The following FAM169A variants were observed in gnomAD, a reference collection of about 807,000 sequenced individuals.
The protein encoded by FAM169A is soluble lamin-associated protein of 75 kDa.
Under a neutral mutation model 75.7 loss-of-function variants are expected in FAM169A, and 24 were observed. The ratio of observed to expected loss-of-function variants is 0.32; its 90% confidence interval spans 0.23 to 0.45. FAM169A has a LOEUF of 0.45. Among genes scored for constraint, FAM169A ranks in the 20% least tolerant of loss-of-function variants. FAM169A has a pLI of 1.00. For synonymous variants in FAM169A, 271 were observed against 271.0 expected (o/e 1.00, Z 0.00); for missense variants, 673 against 784.0 (o/e 0.86, Z 1.69).
intron 1 of FAM169A, among the ~76,000 whole-genome samples, chr5:74,858,757 TA>T (rs562017106): frequency 1.6e-4 from 25 of 151,560 alleles, no homozygotes; most frequent in Non-Finnish European, 3.4e-4. Context: ...AATTAAAAAG[TA>T]AAAAAAAATT....
intron 1 of FAM169A, among the ~76,000 whole-genome samples, chr5:74,843,974 T>C (rs959427599): frequency 1.3e-5 from 2 of 152,160 alleles, no homozygotes; most frequent in Admixed American, 6.5e-5. Context: ...ACCAAGCCAT[T>C]AGAGAAATAT....
intron 1 of FAM169A, among the ~76,000 whole-genome samples, chr5:74,864,295 ATCTCGGC>A (rs1478334905): frequency 3.3e-5 from 5 of 152,244 alleles, no homozygotes; most frequent in African/African-American, 1.2e-4. Flanking sequence ...CAAGGGCACG[ATCTCGGC>A]TCACCGCAAC....
At chr5:74,851,054 T>C (rs1258152184) in intron 1 of FAM169A, among the ~76,000 whole-genome samples, 1 of 151,566 alleles carries the variant, frequency 6.6e-6, no homozygotes, top group Non-Finnish European at 1.5e-5. Context: ...TGGCTAAGAA[T>C]ACAGGCACAT....
At chr5:74,831,253 A>G (rs1188669064) in intron 5 of FAM169A, among the ~76,000 whole-genome samples, 2 of 152,224 alleles carry the variant, frequency 1.3e-5, no homozygotes, top group African/African-American at 4.8e-5. Flanking sequence ...TAGCAATACT[A>G]TAACAAAACC....
chr5:74,788,674 C>T (rs1428916704), intron 11 of FAM169A, among the ~76,000 whole-genome samples: 1 of 150,292 alleles, frequency 6.7e-6, no homozygotes, highest in Non-Finnish European at 1.5e-5. Flanking sequence ...CATTGCACTC[C>T]AGCCTGGGCA....
intron 1 of FAM169A, chr5:74,865,723 A>T (rs1750290035): frequency 2.0e-5 from 3 of 152,474 alleles, no homozygotes; most frequent in African/African-American, 7.2e-5. Context: ...GGGTGAACCG[A>T]GTCTAAACGC....
At chr5:74,823,048 G>C (rs1747842134) in intron 5 of FAM169A, among the ~76,000 whole-genome samples, 1 of 152,110 alleles carries the variant, frequency 6.6e-6, no homozygotes. Flanking sequence ...TCTTTTAATT[G>C]ACTTCCCTGA....
chr5:74,859,828 G>A (rs890679797), intron 1 of FAM169A, among the ~76,000 whole-genome samples: 1 of 151,768 alleles, frequency 6.6e-6, no homozygotes, highest in Non-Finnish European at 1.5e-5. Context: ...GACCAGCCTG[G>A]GCAACAAAGC....
At chr5:74,845,370 T>C (rs1299569118) in intron 1 of FAM169A, among the ~76,000 whole-genome samples, 1 of 151,844 alleles carries the variant, frequency 6.6e-6, no homozygotes, top group Non-Finnish European at 1.5e-5. Flanking sequence ...CACAAAAAAT[T>C]AGCCGGGCGT....
chr5:74,826,963 T>C (rs888176293), intron 5 of FAM169A, among the ~76,000 whole-genome samples: 6 of 152,204 alleles, frequency 3.9e-5, no homozygotes, highest in East Asian at 1.9e-4. Context: ...CTATGGCTGA[T>C]TGTCAGTTAC....
chr5:74,805,862 CAACTT>C (rs1276475114), intron 6 of FAM169A, among the ~76,000 whole-genome samples: 2 of 149,908 alleles, frequency 1.3e-5, no homozygotes, highest in Non-Finnish European at 2.9e-5. Flanking sequence ...AATCCCAACA[CAACTT>C]ATTTTTTAAT....
At position 74,801,636 on chromosome 5, in the gene FAM169A, A is replaced by C. The variant is rs752448474; in HGVS notation, c.913-7T>G. 6.2e-7 allele frequency: 1 copy of C among 1,607,392 alleles called. No individual in the cohort carries two copies. The highest frequency in any genetic ancestry group is 2.2e-5 in the East Asian group (1 of 44,814). On this transcript the variant is annotated splice_region_variant and splice_polypyrimidine_tract_variant and intron_variant, in intron 8 of 12. Transcript: ENST00000687041. Reference sequence around the variant, plus strand: ...CATCTTTTAGAGAATCAATCTAAAAAAGAGAGAGATTCAAACCCAAAGTTT... The same window carrying C: ...CATCTTTTAGAGAATCAATCTAAAACAGAGAGAGATTCAAACCCAAAGTTT...
chr5:74,821,080 T>G (rs1489195014), intron 5 of FAM169A, among the ~76,000 whole-genome samples: 1 of 152,190 alleles, frequency 6.6e-6, no homozygotes, highest in Non-Finnish European at 1.5e-5. Context: ...CACGTTCTAT[T>G]CTTTTAATTT....
intron 10 of FAM169A, among the ~76,000 whole-genome samples, chr5:74,796,603 AC>A (rs1440723207): frequency 1.3e-5 from 2 of 151,918 alleles, no homozygotes; most frequent in Non-Finnish European, 2.9e-5. Context: ...ACAGGGTTTC[AC>A]CATGTTAGCC....
intron 11 of FAM169A, among the ~76,000 whole-genome samples, chr5:74,789,972 G>C (rs1415753253): frequency 1.3e-5 from 2 of 152,190 alleles, no homozygotes; most frequent in Non-Finnish European, 2.9e-5. Flanking sequence ...ATCATGAACT[G>C]GGTGCTTTCT....
chr5:74,801,496 T>G, intron 9 of FAM169A, 94 bp downstream of exon 9: 2 of 982,472 alleles, frequency 2.0e-6, no homozygotes, highest in Non-Finnish European at 1.6e-6. Context: ...TTTCTCAGGG[T>G]GACACACCAC....
intron 1 of FAM169A, among the ~76,000 whole-genome samples, chr5:74,856,519 T>C (rs1400303997): frequency 6.6e-6 from 1 of 152,192 alleles, no homozygotes; most frequent in African/African-American, 2.4e-5. Flanking sequence ...AGTTTATTCC[T>C]AGGTATTTTG....
intron 5 of FAM169A, 24 bp from the exon 6 acceptor site, chr5:74,814,043 C>T: frequency 6.2e-6 from 9 of 1,450,168 alleles, no homozygotes; most frequent in Non-Finnish European, 7.3e-6. Flanking sequence ...AACAGAAACC[C>T]AATAATTTCT....
intron 5 of FAM169A, among the ~76,000 whole-genome samples, chr5:74,816,908 C>G (rs995263744): frequency 6.6e-6 from 1 of 152,102 alleles, no homozygotes; most frequent in African/African-American, 2.4e-5. Context: ...TCTTTAACCT[C>G]TATAAAGCAT....
Sources: allele counts gnomAD v4.1 joint callset (sites outside exome capture counted in the v4.1 genomes callset), GRCh38; gene constraint gnomAD v4.1.1; transcripts MANE v1.5; gene names NCBI Gene and HGNC (gene_info 2026-07-23, HGNC 2026-07-21).